LARP6: variants seen among roughly 807,000 people sequenced by gnomAD.
LARP6 encodes the protein la-related protein 6.
Under a neutral mutation model 32.8 loss-of-function variants are expected in LARP6, and 18 were observed. The observed-to-expected ratio is 0.55, with a 90% CI of 0.38 to 0.81. The LOEUF is 0.81. Among genes scored for constraint, LARP6 ranks in the 40% least tolerant of loss-of-function variants. The pLI, the probability that LARP6 is intolerant of heterozygous loss-of-function variation, is 0.00. For missense variants in LARP6, 598 were observed against 663.1 expected, an observed-to-expected ratio of 0.90 and a Z score of 1.08; for synonymous variants, 289 against 267.2, an observed-to-expected ratio of 1.08 and a Z score of -0.80.
chr15:70,831,113 G>A lies in LARP6; in HGVS notation c.*939C>T, dbSNP rs2032032592. 2 of 152,260 alleles carry A rather than the reference G, an allele frequency of 1.3e-5. No homozygotes were observed. Among genetic ancestry groups the A allele is most frequent in the South Asian group, 4.1e-4 (2 of 4,832 alleles). The allele number at this position is 152,260 out of a possible 1,614,324, so 9.4% of individuals were successfully genotyped here. A position where few individuals can be genotyped will look rare whatever the true frequency, so the allele number is the denominator to read the frequency against. Reference sequence around the variant, plus strand: ...ACCCAAATTCCAGGCCTTTCTCCCAGACTTTCTAATTCAGTGGGCCTAGGG... The same window carrying A: ...ACCCAAATTCCAGGCCTTTCTCCCAAACTTTCTAATTCAGTGGGCCTAGGG... On this transcript the variant is annotated 3_prime_UTR_variant, in exon 3 of 3. Transcript: ENST00000299213.
intron 1 of LARP6, among the ~76,000 whole-genome samples, chr15:70,841,974 C>A (rs548887499): frequency 6.6e-6 from 1 of 152,130 alleles, no homozygotes; most frequent in African/African-American, 2.4e-5. Flanking sequence ...TACTCTCCCC[C>A]CTGGGCTTAT....
chr15:70,845,005 A>T (rs1193671080), intron 1 of LARP6, among the ~76,000 whole-genome samples: 4 of 152,190 alleles, frequency 2.6e-5, no homozygotes, highest in Non-Finnish European at 5.9e-5. Flanking sequence ...TAAAGGGTTT[A>T]ATAAACTTAT....
chr15:70,852,044 T>C (rs2032476395), intron 1 of LARP6: 1 of 379,606 alleles, frequency 2.6e-6, no homozygotes, highest in African/African-American at 2.1e-5. Context: ...GGGTGTCACA[T>C]CTTAATGAGC....
chr15:70,838,402 C>T (rs772264843), intron 1 of LARP6, among the ~76,000 whole-genome samples: 3 of 152,188 alleles, frequency 2.0e-5, no homozygotes, highest in Non-Finnish European at 4.4e-5. Context: ...CAAATTCCTT[C>T]GCTAATTCAT....
chr15:70,837,004 T>C (rs1438840142), intron 1 of LARP6, among the ~76,000 whole-genome samples: 5 of 152,142 alleles, frequency 3.3e-5, no homozygotes, highest in Admixed American at 6.5e-5. Flanking sequence ...CTGGGTCACA[T>C]GGCCACAGAA....
intron 2 of LARP6, among the ~76,000 whole-genome samples, chr15:70,835,054 A>T (rs2141049696): frequency 6.6e-6 from 1 of 152,316 alleles, no homozygotes; most frequent in South Asian, 2.1e-4. Context: ...AGGAATAAAG[A>T]GACGTGCTGG....
At chr15:70,853,532 G>C (rs1376476240) in intron 1 of LARP6, 1 of 178,360 alleles carries the variant, frequency 5.6e-6, no homozygotes, top group Non-Finnish European at 1.2e-5. Flanking sequence ...CGGCGATGGG[G>C]AGGTGGTGTC....
At chr15:70,839,298 G>T (rs1036877389) in intron 1 of LARP6, among the ~76,000 whole-genome samples, 28 of 152,046 alleles carry the variant, frequency 1.8e-4, no homozygotes, top group African/African-American at 6.7e-4. Flanking sequence ...AAATTAGCCG[G>T]GTGTGGTGGC....
At chr15:70,851,401 G>A in intron 1 of LARP6, 1 of 1,100,882 alleles carries the variant, frequency 9.1e-7, no homozygotes, top group Non-Finnish European at 1.1e-6. Context: ...TTTAATGAAG[G>A]AGATGTGGGG....
At position 70,832,501 on chromosome 15, in the gene LARP6, C is replaced by T; in HGVS notation, c.1027G>A (p.Glu343Lys). The change falls in exon 3 of 3, where the codon GAG becomes AAG. Residue 343 changes from glutamate (E) to lysine (K), a missense_variant. Physicochemically the swap from Glu to Lys is moderately conservative, Grantham distance 56. Coordinates refer to ENST00000299213, the MANE Select transcript of LARP6 (RefSeq NM_018357.4). ...GCCATAGGGGATGTGGGGTTGCTCT[C>T]GGGGTCAGAGGAGCTGTTGGCAGAA... ...ESSANSSSDP[E>K]SNPTSPMAGR... is the part of the protein sequence containing the mutation. 1 of 1,543,380 alleles carries T rather than the reference C, an allele frequency of 6.5e-7. No homozygotes were observed.
intron 1 of LARP6, among the ~76,000 whole-genome samples, chr15:70,847,476 T>C (rs2032369634): frequency 6.6e-6 from 1 of 152,068 alleles, no homozygotes. Context: ...TTCAAGCGAT[T>C]CTCCCGCCTC....
At chr15:70,848,393 A>G (rs1007186275) in intron 1 of LARP6, among the ~76,000 whole-genome samples, 2 of 152,214 alleles carry the variant, frequency 1.3e-5, no homozygotes, top group Non-Finnish European at 2.9e-5. Flanking sequence ...GAGACTACGT[A>G]TATCAGGCAC....
intron 1 of LARP6, 113 bp downstream of exon 1, chr15:70,853,776 G>T: frequency 1.3e-6 from 1 of 791,148 alleles, no homozygotes; most frequent in Non-Finnish European, 1.7e-6. Context: ...CGGCGGCGGG[G>T]CTGACTCAAC....
chr15:70,832,088 T>A lies in LARP6; in HGVS notation c.1440A>T (p.Gly480=). ...CCCTGCTCCTCTCATGGCCATGAAA[T>A]CCTCTGGTGTTGTCAGGACCCCTGG... ...RLPRGPDNTR[G]FHGHERSRAC... Residue 480 remains glycine, a synonymous_variant, in exon 3 of 3, where the codon GGA becomes GGT. Coordinates refer to ENST00000299213, the MANE Select transcript of LARP6 (RefSeq NM_018357.4). 6.5e-7 allele frequency: 1 copy of A among 1,539,624 alleles called. No homozygotes were observed. The highest frequency in any genetic ancestry group is 8.7e-7 in the Non-Finnish European group (1 of 1,144,766).
intron 1 of LARP6, among the ~76,000 whole-genome samples, chr15:70,839,406 C>T (rs1162933762): frequency 6.7e-6 from 1 of 150,038 alleles, no homozygotes; most frequent in Non-Finnish European, 1.5e-5. Context: ...CACCACTGCC[C>T]TCCAGTCTGG....
intron 1 of LARP6, among the ~76,000 whole-genome samples, chr15:70,844,589 T>G (rs1018074061): frequency 3.9e-5 from 6 of 152,224 alleles, no homozygotes; most frequent in African/African-American, 1.4e-4. Context: ...TAAGATTACA[T>G]TTCTTGTCTC....
At position 70,833,007 on chromosome 15, in the gene LARP6, G is replaced by A; in HGVS notation, c.521C>T (p.Pro174Leu). The A allele has an allele frequency of 6.2e-7, 1 of 1,613,216 alleles. No individual in the cohort carries two copies. Among genetic ancestry groups the A allele is most frequent in the Admixed American group, 1.7e-5 (1 of 59,914 alleles). Residue 174 changes from proline to leucine, a missense_variant, in exon 3 of 3, where the codon CCA (proline) becomes CTA (leucine). Around this residue, in one of 3 missense-constraint regions of LARP6, gnomAD observed 69 missense variants for 116.7 expected, o/e 0.59. Transcript: ENST00000299213. ...HRKVRRTTPVPLFPNENLPSK... is the reference protein window; with the variant it reads ...HRKVRRTTPVLLFPNENLPSK... ...GGGGAGGTTCTCGTTGGGGAACAGT[G>A]GGACGGGGGTGGTCCTCCTCACCTT...
Position 70,831,651 on chromosome 15 carries a change from T to G in LARP6, c.*401A>C, listed in dbSNP as rs536782988. The stretch of plus-strand genomic sequence containing the variant: ...TACTTGCTGTTGCACAAGAGAACTT[T>G]CCTGAACTCTCAGGAAGCCCTTGCA... On this transcript the variant is annotated 3_prime_UTR_variant, in exon 3 of 3. Coordinates refer to ENST00000299213, the MANE Select transcript of LARP6 (RefSeq NM_018357.4). 6.4e-6 allele frequency: 1 copy of G among 155,932 alleles called. No homozygotes were observed. The highest frequency in any genetic ancestry group is 1.4e-5 in the Non-Finnish European group (1 of 70,654). 9.7% of individuals were successfully genotyped at this position (155,932 alleles called of 1,614,324 possible).
intron 1 of LARP6, among the ~76,000 whole-genome samples, chr15:70,853,008 C>G (rs1030417771): frequency 1.3e-5 from 2 of 152,324 alleles, no homozygotes; most frequent in South Asian, 4.1e-4. Context: ...TGTTGGCATC[C>G]ACCAGAATGT....
Sources: gnomAD v4.1 joint callset for allele counts (sites outside exome capture counted in the v4.1 genomes callset) on GRCh38, gnomAD v4.1.1 for gene constraint, gnomAD v4.1.1 regional missense constraint, MANE v1.5 for transcripts, NCBI Gene and HGNC (gene_info 2026-07-23, HGNC 2026-07-21) for gene names.